Variants in IPO4 observed in about 807,000 individuals in gnomAD.
IPO4 encodes importin 4, also known as importin-4.
Under a neutral mutation model 133.5 loss-of-function variants are expected in IPO4, and 91 were observed. The ratio of observed to expected loss-of-function variants is 0.68; its 90% CI spans 0.58 to 0.81. The LOEUF (loss-of-function observed/expected upper bound fraction) is 0.81. Ranked by LOEUF, IPO4 falls within the 30% of genes least tolerant of loss-of-function variation. The pLI is 0.00. For synonymous variants in IPO4, 607 were observed against 581.6 expected (o/e 1.04, Z -0.63); for missense variants, 1,279 against 1,386.2 (o/e 0.92, Z 1.23).
chr14:24,183,180 T>C lies in IPO4; in HGVS notation c.2228-11A>G, dbSNP rs369934334. 3 of 1,610,176 alleles carry C rather than the reference T, an allele frequency of 1.9e-6. No individual in the cohort carries two copies. The highest frequency in any genetic ancestry group is 2.5e-6 in the Non-Finnish European group (3 of 1,177,060). ...GGGCAGCCTGCAAAGCTGGGGACAT[T>C]ATTGGCTGAAGCACCAGTCAGGCCC... On this transcript the variant is annotated splice_polypyrimidine_tract_variant and intron_variant, in intron 22 of 29. Transcript: ENST00000354464.
At position 24,185,318 on chromosome 14, in the gene IPO4, G is replaced by A; in HGVS notation, c.1279-6C>T. On this transcript the variant is annotated splice_polypyrimidine_tract_variant and splice_region_variant and intron_variant, in intron 13 of 29. Transcript: ENST00000354464. ...GAATAGCTGCTGATATGGGGCTGGGGGAGGGAGCAAGCAGGGCCTGAGTCA... is the reference window on the plus strand; with the variant it reads ...GAATAGCTGCTGATATGGGGCTGGGAGAGGGAGCAAGCAGGGCCTGAGTCA... The A allele has an allele frequency of 1.2e-6, 2 of 1,614,066 alleles. No individual in the cohort carries two copies. Among genetic ancestry groups the A allele is most frequent in the Non-Finnish European group, 1.7e-6 (2 of 1,179,932 alleles).
At chr14:24,187,878 G>A (rs1489989976) in intron 4 of IPO4, 82 bp from the exon 5 acceptor site, 1 of 1,559,468 alleles carries the variant, frequency 6.4e-7, no homozygotes, top group Non-Finnish European at 8.7e-7. Context: ...GGGCAGCCAG[G>A]ACAGAAACTT....
intron 16 of IPO4, 104 bp from the exon 17 acceptor site, chr14:24,184,522 C>A: frequency 6.8e-7 from 1 of 1,460,204 alleles, no homozygotes; most frequent in Non-Finnish European, 9.2e-7. Flanking sequence ...CCCCTTGGTA[C>A]AGCATGAAGC....
chr14:24,186,582 G>GAGGCC (rs1357531804), intron 9 of IPO4, 126 bp downstream of exon 9: 10 of 1,357,064 alleles, frequency 7.4e-6, no homozygotes, highest in Non-Finnish European at 1.0e-5. Flanking sequence ...GAGCTGGGGT[G>GAGGCC]AGGCCAGGCC....
chr14:24,180,740 C>T lies in IPO4; in HGVS notation c.3064G>A (p.Glu1022Lys), dbSNP rs114924943. Residue 1022 changes from glutamate (E) to lysine (K), a missense_variant, in exon 29 of 30, where the codon GAG becomes AAG. This residue lies in a region of IPO4 where 575 missense variants were observed against 653.4 expected (regional missense o/e 0.88). Coordinates refer to ENST00000354464, the MANE Select transcript of IPO4 (RefSeq NM_024658.4). ...SPDQVIDVAP[E>K]LLRICSLILA... ...ATGAGGCTGCAGATACGCAGAAGCTCGGGAGCCACATCTATAACCTGTGAG... is the reference window on the plus strand; with the variant it reads ...ATGAGGCTGCAGATACGCAGAAGCTTGGGAGCCACATCTATAACCTGTGAG... 3.8e-5 allele frequency: 61 copies of T among 1,613,932 alleles called. No homozygotes were observed. In the Middle Eastern group the frequency reaches 1.2e-3, roughly 31 times the overall value.
chr14:24,182,462 C>G (rs1306609653), intron 24 of IPO4, 59 bp from the exon 25 acceptor site: 1 of 1,566,226 alleles, frequency 6.4e-7, no homozygotes, highest in African/African-American at 1.4e-5. Context: ...GTACACCTCC[C>G]TCCCACGCTC....
chr14:24,187,965 G>A (rs1343603333), intron 4 of IPO4, 169 bp from the exon 5 acceptor site: 4 of 817,714 alleles, frequency 4.9e-6, no homozygotes, highest in Non-Finnish European at 7.7e-6. Context: ...CAACAGCACT[G>A]TGGGCATGTA....
At chr14:24,182,759 C>T (rs78282998) in intron 24 of IPO4, 33 bp downstream of exon 24, 22,192 of 1,612,602 alleles carry the variant, frequency 0.014, 195 homozygotes, top group South Asian at 0.022. Flanking sequence ...CTGCCTGGAC[C>T]GCCTGGTCCC....
rs1416506826 is a variant in IPO4, at chr14:24,187,773, G to A, written c.302C>T (p.Ala101Val). Residue 101 changes from alanine to valine, a missense_variant, in exon 5 of 30, where the codon GCC (alanine) becomes GTC (valine). Coordinates refer to ENST00000354464, the MANE Select transcript of IPO4 (RefSeq NM_024658.4). ...ETEHCVSLSL[A>V]QLSATIFRKE... is the part of the protein sequence containing the mutation. ...TCGAAAAATGGTGGCTGAGAGCTGG[G>A]CCAGGCTGAGGCTCACACAGTGCCT... is the stretch of plus-strand genomic sequence containing the variant. 5.0e-6 allele frequency: 8 copies of A among 1,614,190 alleles called. No individual in the cohort carries two copies. Among genetic ancestry groups the A allele is most frequent in the Non-Finnish European group, 6.8e-6 (8 of 1,180,040 alleles).
chr14:24,187,423 G>C lies in IPO4; in HGVS notation c.565C>G (p.Pro189Ala), dbSNP rs1319413589. The stretch of plus-strand genomic sequence containing the variant: ...ACCACATCTTCAGTGCTGAGGTAGG[G>C]AGCCATGGTGGTCAGAGTGCGCAGG... ...YSLRTLTTMA[P>A]YLSTEDVPLA... The change falls in exon 6 of 30, where the codon CCC becomes GCC. Residue 189 changes from proline to alanine, a missense_variant. Physicochemically the swap from Pro to Ala is conservative, Grantham distance 27. This residue lies in a region of IPO4 where 695 missense variants were observed against 704.1 expected (regional missense o/e 0.99). Coordinates refer to ENST00000354464, the MANE Select transcript of IPO4 (RefSeq NM_024658.4). The C allele has an allele frequency of 1.2e-6, 2 of 1,614,172 alleles. No homozygotes were observed. Among genetic ancestry groups the C allele is most frequent in the Non-Finnish European group, 1.7e-6 (2 of 1,180,036 alleles).
At chr14:24,180,866 C>T in intron 28 of IPO4, 108 bp from the exon 29 acceptor site, 1 of 816,388 alleles carries the variant, frequency 1.2e-6, no homozygotes, top group South Asian at 1.7e-5. Flanking sequence ...GGTGGTTGCA[C>T]CTGGTACTGA....
chr14:24,187,258 G>A, intron 6 of IPO4, 108 bp from the exon 7 acceptor site: 1 of 1,469,196 alleles, frequency 6.8e-7, no homozygotes, highest in South Asian at 1.2e-5. Flanking sequence ...ATAACAGCCA[G>A]GCCCACCTAC....
In IPO4 at chr14:24,181,795, C is replaced by G. The variant is rs780933654; in HGVS notation, c.2856G>C (p.Glu952Asp). ...TGTTGTCACGGACACGATCATGTCG[C>G]TCCCGCGCCAGGAGGGGAAAAAGGA... ...LGLLFPLLAR[E>D]RHDRVRDNIC... Residue 952 changes from glutamate to aspartate, a missense_variant, in exon 27 of 30, where the codon GAG becomes GAC. Transcript: ENST00000354464. 6.3e-7 allele frequency: 1 copy of G among 1,599,700 alleles called. No individual in the cohort carries two copies. Among genetic ancestry groups the G allele is most frequent in the Non-Finnish European group, 8.5e-7 (1 of 1,171,184 alleles).
At chr14:24,184,527 T>G in intron 16 of IPO4, 109 bp from the exon 17 acceptor site, 7 of 1,456,272 alleles carry the variant, frequency 4.8e-6, no homozygotes, top group Non-Finnish European at 5.5e-6. Flanking sequence ...TGGTACAGCA[T>G]GAAGCACACC....
rs2039202376 is a variant in IPO4, at chr14:24,185,255, A to C, written c.1336T>G (p.Ser446Ala). The change falls in exon 14 of 30, where the codon TCG (serine) becomes GCG (alanine). Residue 446 changes from serine (S) to alanine (A), a missense_variant. Around this residue, in one of 3 missense-constraint regions of IPO4, gnomAD observed 695 missense variants for 704.1 expected, o/e 0.99. Transcript: ENST00000354464. ...TGGTGTGTGTGTCCAAGAGGCACCG[A>C]CTTCAAGTAGGCGAGGAGCAGTGGC... is the stretch of plus-strand genomic sequence containing the variant. ...VMPLLLAYLK[S>A]VPLGHTHHLA... 1 of 1,614,156 alleles carries C rather than the reference A, an allele frequency of 6.2e-7. No homozygotes were observed. Among genetic ancestry groups the C allele is most frequent in the East Asian group, 2.2e-5 (1 of 44,884 alleles).
intron 6 of IPO4, 121 bp from the exon 7 acceptor site, chr14:24,187,271 C>T: frequency 6.9e-7 from 1 of 1,452,104 alleles, no homozygotes; most frequent in Non-Finnish European, 9.6e-7. Context: ...CCACCTACAG[C>T]ATCCCCTCTC....
chr14:24,187,027 C>A (rs756173764), intron 7 of IPO4, 48 bp from the exon 8 acceptor site: 7 of 1,612,204 alleles, frequency 4.3e-6, no homozygotes, highest in Non-Finnish European at 5.9e-6. Flanking sequence ...CTTCAGTGGG[C>A]CAAACTGGAC....
chr14:24,184,157 C>T lies in IPO4; in HGVS notation c.1758-48G>A, dbSNP rs780429275. The T allele has an allele frequency of 2.8e-5, 45 of 1,589,904 alleles. No homozygotes were observed. In the East Asian group the frequency reaches 8.6e-4, roughly 30 times the overall value. ...GCTGTAAGGTCCTGCCTGCTACCAC[C>T]AGGCAGGATGGGGGAGCCCGGGAAC... On this transcript the variant is annotated intron_variant, in intron 17 of 29. Transcript: ENST00000354464.
chr14:24,185,127 T>G, intron 14 of IPO4, 56 bp downstream of exon 14: 16 of 1,609,260 alleles, frequency 9.9e-6, no homozygotes, highest in Non-Finnish European at 1.4e-5. Context: ...TCCTGTACAT[T>G]CAGCCAAAGC....
Sources: allele counts gnomAD v4.1 joint callset, GRCh38; gene constraint gnomAD v4.1.1; regional missense constraint gnomAD v4.1.1; transcripts MANE v1.5; gene names NCBI Gene and HGNC (gene_info 2026-07-23, HGNC 2026-07-21).